COPS7B: variants seen among roughly 807,000 people sequenced by gnomAD.
COPS7B encodes COP9 signalosome complex subunit 7b.
COPS7B carries 9 observed loss-of-function variants against 33.4 expected under a neutral mutation model. The observed-to-expected ratio is 0.27, with a 90% confidence interval of 0.16 to 0.47. The LOEUF is 0.47. COPS7B is among the 20% of genes least tolerant of loss of function. COPS7B has a pLI of 0.99. For missense variants in COPS7B, 242 were observed against 318.2 expected (o/e 0.76, Z 1.82); for synonymous variants, 119 against 126.3 (o/e 0.94, Z 0.39).
chr2:231,782,873 T>C (rs2049161623), upstream of COPS7B, among the ~76,000 whole-genome samples: 3 of 152,316 alleles, frequency 2.0e-5, no homozygotes, highest in South Asian at 6.2e-4. Context: ...GGGAACAATT[T>C]TCACATAGGT....
intron 6 of COPS7B, among the ~76,000 whole-genome samples, chr2:231,802,655 T>C (rs1194808680): frequency 1.3e-5 from 2 of 152,184 alleles, no homozygotes; most frequent in Non-Finnish European, 2.9e-5. Context: ...GGAAGAGGAA[T>C]TGGAATTCTT....
chr2:231,807,034 A>G (rs1371908062), intron 6 of COPS7B, among the ~76,000 whole-genome samples: 2 of 152,232 alleles, frequency 1.3e-5, no homozygotes, highest in Admixed American at 6.5e-5. Context: ...CAGTACTTCT[A>G]TTACATTTTC....
chr2:231,805,218 A>G (rs1348993311), intron 6 of COPS7B, among the ~76,000 whole-genome samples: 1 of 151,782 alleles, frequency 6.6e-6, no homozygotes, highest in Non-Finnish European at 1.5e-5. Flanking sequence ...TATCAGAGAA[A>G]GAGTGATAAG....
chr2:231,782,383 G>C (rs752123162), upstream of COPS7B, among the ~76,000 whole-genome samples: 1 of 152,174 alleles, frequency 6.6e-6, no homozygotes, highest in African/African-American at 2.4e-5. Context: ...GTAGGATTTG[G>C]TGTTTTGTTT....
At chr2:231,786,669 C>G (rs935006016) in intron 1 of COPS7B, 131 bp downstream of exon 1, 15 of 268,652 alleles carry the variant, frequency 5.6e-5, no homozygotes, top group Non-Finnish European at 8.0e-5. Context: ...GGAGCGCGTC[C>G]CGCGGCTCCT....
At chr2:231,783,046 A>G (rs1413246934), upstream of COPS7B, among the ~76,000 whole-genome samples, 1 of 152,210 alleles carries the variant, frequency 6.6e-6, no homozygotes, top group Non-Finnish European at 1.5e-5. Flanking sequence ...AGTTAAATAT[A>G]ATAATACAGT....
upstream of COPS7B, among the ~76,000 whole-genome samples, chr2:231,784,606 T>G (rs552039854): frequency 6.6e-6 from 1 of 152,260 alleles, no homozygotes; most frequent in South Asian, 2.1e-4. Context: ...CTTGTCTTCC[T>G]CTCACTCTCA....
intron 1 of COPS7B, 117 bp from the exon 2 acceptor site, chr2:231,788,438 T>G: frequency 2.0e-6 from 2 of 1,000,394 alleles, no homozygotes; most frequent in Non-Finnish European, 2.9e-6. Flanking sequence ...ACTTGTCCTG[T>G]TTTTTCTTTA....
rs1574653234 is a variant in COPS7B, at chr2:231,788,455, C to CTTA, written c.-16-99_-16-98insTAT. 6.1e-6 allele frequency: 7 copies of CTTA among 1,147,950 alleles called. No homozygotes were observed. In the East Asian group the frequency reaches 1.7e-4, roughly 28 times the overall value. 71.1% of individuals were successfully genotyped at this position (1,147,950 alleles called of 1,614,324 possible). ...TTGTCCTGTTTTTTCTTTATCAACA[C>CTTA]TATAAAAGTAAAGTATTCTGGTGTT... On this transcript the variant is annotated intron_variant, in intron 1 of 6. Transcript: ENST00000350033.
chr2:231,788,950 T>G (rs1251499076), intron 2 of COPS7B: 1 of 470,154 alleles, frequency 2.1e-6, no homozygotes, highest in Non-Finnish European at 3.8e-6. Flanking sequence ...TTGTTGCTAA[T>G]AATAACCTAA....
intron 4 of COPS7B, among the ~76,000 whole-genome samples, chr2:231,795,404 T>G (rs1473836028): frequency 6.6e-6 from 1 of 152,228 alleles, no homozygotes; most frequent in Non-Finnish European, 1.5e-5. Context: ...GAAATCATTT[T>G]ATCTGATCTA....
intron 2 of COPS7B, chr2:231,789,477 T>G (rs1559354717): frequency 6.5e-6 from 1 of 153,194 alleles, no homozygotes; most frequent in Non-Finnish European, 1.5e-5. Flanking sequence ...CAGGAGCTTT[T>G]GGCGGATTGG....
Position 231,800,779 on chromosome 2 carries a change from A to G in COPS7B, c.636+1815A>G, listed in dbSNP as rs543112453. ...AAAAAGAAATCTGAGCAAAAGGCCA[A>G]GGCCACCTCCACCACCAATTAAAAC... On this transcript the variant is annotated intron_variant, in intron 6 of 6. Transcript: ENST00000350033. 2.0e-5 allele frequency among the ~76,000 whole-genome samples: 3 copies of G among 152,372 alleles called. No homozygotes were observed. In the South Asian group the frequency reaches 6.2e-4, roughly 32 times the overall value.
upstream of COPS7B, among the ~76,000 whole-genome samples, chr2:231,782,285 A>G (rs950960643): frequency 1.3e-5 from 2 of 152,216 alleles, no homozygotes; most frequent in Non-Finnish European, 2.9e-5. Context: ...TTTCCTATCC[A>G]CTGTTGAAAC....
chr2:231,783,882 T>C (rs148765920), upstream of COPS7B, among the ~76,000 whole-genome samples: 51 of 152,268 alleles, frequency 3.3e-4, no homozygotes, highest in Non-Finnish European at 4.7e-4. Flanking sequence ...AGTAAGACTA[T>C]AGGTGTACTC....
rs2049426898 is a variant in COPS7B, at chr2:231,791,861, T to G, written c.238+53T>G. 20 of 1,489,426 alleles carry G rather than the reference T, an allele frequency of 1.3e-5. 1 individual carries two copies. In the South Asian group the frequency reaches 2.2e-4, roughly 16 times the overall value. The allele number at this position is 1,489,426 out of a possible 1,614,324, so 92.3% of individuals were successfully genotyped here. A position where few individuals can be genotyped will look rare whatever the true frequency, so the allele number is the denominator to read the frequency against. ...CTTGTGTTAATTATGTTGCTCAGTTTGGAAGACCATCAAGGTTTGAGATAT... is the reference window on the plus strand; with the variant it reads ...CTTGTGTTAATTATGTTGCTCAGTTGGGAAGACCATCAAGGTTTGAGATAT... On this transcript the variant is annotated intron_variant, in intron 3 of 6. Transcript: ENST00000350033.
chr2:231,803,459 T>C (rs1388825854), intron 6 of COPS7B, among the ~76,000 whole-genome samples: 1 of 152,164 alleles, frequency 6.6e-6, no homozygotes, highest in Non-Finnish European at 1.5e-5. Flanking sequence ...AGTTTTTCCC[T>C]GGGCCAAGTC....
intron 2 of COPS7B, chr2:231,791,495 A>G (rs532901953): frequency 9.5e-6 from 5 of 524,520 alleles, no homozygotes; most frequent in African/African-American, 3.8e-5. Context: ...TTCGTTGGGC[A>G]TGCTGTATAG....
chr2:231,783,182 C>T (rs1574644902), upstream of COPS7B, among the ~76,000 whole-genome samples: 1 of 152,078 alleles, frequency 6.6e-6, no homozygotes, highest in African/African-American at 2.4e-5. Flanking sequence ...TTATCTTTTC[C>T]ACTGTTGGCG....
Sources: gnomAD v4.1 joint callset for allele counts (sites outside exome capture counted in the v4.1 genomes callset) on GRCh38, gnomAD v4.1.1 for gene constraint, MANE v1.5 for transcripts, NCBI Gene and HGNC (gene_info 2026-07-23, HGNC 2026-07-21) for gene names.